The following BTBD18 variants were observed in gnomAD, a reference collection of about 807,000 sequenced individuals.
The protein encoded by BTBD18 is BTB domain containing 18, also known as BTB/POZ domain-containing protein 18.
For missense variants in BTBD18, 787 were observed against 846.3 expected, an observed-to-expected ratio of 0.93 and a Z score of 0.87; for synonymous variants, 311 against 324.4, an observed-to-expected ratio of 0.96 and a Z score of 0.44.
chr11:57,749,517 G>C (rs1949258489), intron 2 of BTBD18, among the ~76,000 whole-genome samples: 1 of 152,126 alleles, frequency 6.6e-6, no homozygotes, highest in Non-Finnish European at 1.5e-5. Flanking sequence ...GAGAGGCCAA[G>C]GCAGGTGGAT....
intron 2 of BTBD18, 121 bp downstream of exon 2, chr11:57,750,944 A>C: frequency 1.4e-6 from 1 of 736,500 alleles, no homozygotes; most frequent in Non-Finnish European, 2.0e-6. Context: ...CCTTTACCAA[A>C]TAGTTTACAG....
Position 57,744,636 on chromosome 11 carries a change from T to C in BTBD18, c.1637A>G (p.Asp546Gly). The change falls in exon 3 of 3, where the codon GAC (aspartate) becomes GGC (glycine). Residue 546 changes from aspartate to glycine, a missense_variant. By Grantham distance (94) the Asp-to-Gly change is moderately conservative. Coordinates refer to ENST00000422652, the MANE Select transcript of BTBD18 (RefSeq NM_001145101.3). Reference protein sequence around the residue: ...WIEGEEWCLPDMELWPRELTE... With the variant: ...WIEGEEWCLPGMELWPRELTE... The stretch of plus-strand genomic sequence containing the variant: ...GAGCTCCCTGGGCCAGAGTTCCATG[T>C]CTGGTAGACACCATTCTTCCCCTTC... The C allele has an allele frequency of 6.4e-7, 1 of 1,551,686 alleles. No homozygotes were observed. Among genetic ancestry groups the C allele is most frequent in the East Asian group, 2.4e-5 (1 of 40,922 alleles).
intron 2 of BTBD18, among the ~76,000 whole-genome samples, chr11:57,747,993 G>C (rs1949230167): frequency 6.6e-6 from 1 of 152,138 alleles, no homozygotes; most frequent in Non-Finnish European, 1.5e-5. Context: ...ATAGAAACAG[G>C]GTTTTACCAT....
In BTBD18 at chr11:57,746,804, C is replaced by CA. The variant is rs1339933563; in HGVS notation, c.125-657_125-656insT. Among the ~76,000 whole-genome samples the CA allele has an allele frequency of 8.6e-3, 372 of 43,148 alleles. 4 individuals are homozygous for CA. The highest frequency in any genetic ancestry group is 0.024 in the South Asian group (25 of 1,026). 28.3% of individuals were successfully genotyped at this position (43,148 alleles called of 152,430 possible). A position where few individuals can be genotyped will look rare whatever the true frequency, so the allele number is the denominator to read the frequency against. ...TGGGGAACACAGTTATACCTTGTCT[C>CA]CAAAAAAAAAAAAAAAAAAAGCCTT... On this transcript the variant is annotated intron_variant, in intron 2 of 2. Coordinates refer to ENST00000422652, the MANE Select transcript of BTBD18 (RefSeq NM_001145101.3).
rs750097145 is a variant in BTBD18, at chr11:57,745,656, A to G, written c.617T>C (p.Leu206Pro). ...GCAGGCTCTGGCCTTCCTCTTGAGC[A>G]GAAGAGTGCCAGACAAATTGTCTGC... ...QNADNLSGTL[L>P]LKRKARACPT... Residue 206 changes from leucine to proline, a missense_variant, in exon 3 of 3, where the codon CTG becomes CCG. Physicochemically the swap from Leu to Pro is moderately conservative, Grantham distance 98. Transcript: ENST00000422652. The G allele has an allele frequency of 2.2e-5, 34 of 1,551,508 alleles. No individual in the cohort carries two copies. Among genetic ancestry groups the G allele is most frequent in the Non-Finnish European group, 2.8e-5 (32 of 1,146,984 alleles).
upstream of BTBD18, among the ~76,000 whole-genome samples, chr11:57,752,175 G>A (rs1949325032): frequency 6.6e-6 from 1 of 152,166 alleles, no homozygotes; most frequent in African/African-American, 2.4e-5. Flanking sequence ...CTATCAGGTA[G>A]CACTGAGGGT....
intron 2 of BTBD18, 62 bp from the exon 3 acceptor site, chr11:57,746,210 A>T: frequency 7.7e-7 from 1 of 1,296,560 alleles, no homozygotes; most frequent in Non-Finnish European, 1.0e-6. Flanking sequence ...GGCTAAGCAT[A>T]GACATTACTA....
In BTBD18 at chr11:57,743,854, A is replaced by G. The variant is rs972419187; in HGVS notation, c.*280T>C. The G allele has an allele frequency of 2.2e-5, 7 of 324,080 alleles. No homozygotes were observed. The highest frequency in any genetic ancestry group is 1.3e-4 in the African/African-American group (6 of 47,380). 20.1% of individuals were successfully genotyped at this position (324,080 alleles called of 1,614,324 possible). On this transcript the variant is annotated 3_prime_UTR_variant, in exon 3 of 3. Transcript: ENST00000422652. ...AGAGATCTGGCCTTGGCTGTTACCT[A>G]TGACCCACCAGAATTGGGGAGCACA...
chr11:57,745,978 C>G lies in BTBD18; in HGVS notation c.295G>C (p.Glu99Gln), dbSNP rs757690611. 1.1e-5 allele frequency: 17 copies of G among 1,551,546 alleles called. No homozygotes were observed. The highest frequency in any genetic ancestry group is 1.5e-5 in the Non-Finnish European group (17 of 1,146,990). ...TCCTGGGCTTCTTCTTGAGATACTT[C>G]CATTTCTGAGGTATACAAGAAGTCC... ...LVDFLYTSEM[E>Q]VSQEEAQDVL... The change falls in exon 3 of 3, where the codon GAA (glutamate) becomes CAA (glutamine). Residue 99 changes from glutamate to glutamine, a missense_variant. Physicochemically the swap from Glu to Gln is conservative, Grantham distance 29. Transcript: ENST00000422652.
rs1322912943 is a variant in BTBD18 at position 57,746,274 on chromosome 11, GA to G, written c.125-127del. Reference sequence around the variant, plus strand: ...TCCTTCCATGGGACTTCAAGTAAAAGAAAAAAATTATTCTTCTGCCTGCCTG... The same window carrying G: ...TCCTTCCATGGGACTTCAAGTAAAAGAAAAAATTATTCTTCTGCCTGCCTG... On this transcript the variant is annotated intron_variant, in intron 2 of 2. Coordinates refer to ENST00000422652, the MANE Select transcript of BTBD18 (RefSeq NM_001145101.3). The G allele has an allele frequency of 4.0e-5, 28 of 705,566 alleles. No homozygotes were observed. The South Asian group carries it at 5.3e-4, about 13-fold the overall frequency. 43.7% of individuals were successfully genotyped at this position (705,566 alleles called of 1,614,324 possible).
chr11:57,751,223 C>T lies in BTBD18; in HGVS notation c.-35G>A. The stretch of plus-strand genomic sequence containing the variant: ...AGTCTTAACAAACCTTCTAGGTTTT[C>T]ACAGATCAGACTCCTGTAGGTGAGA... On this transcript the variant is annotated 5_prime_UTR_variant, in exon 2 of 3. Transcript: ENST00000422652. The T allele has an allele frequency of 6.7e-7, 1 of 1,503,624 alleles. No individual in the cohort carries two copies. The highest frequency in any genetic ancestry group is 1.4e-5 in the African/African-American group (1 of 71,180). The allele number at this position is 1,503,624 out of a possible 1,614,324, so 93.1% of individuals were successfully genotyped here. A position where few individuals can be genotyped will look rare whatever the true frequency, so the allele number is the denominator to read the frequency against.
rs1384374229 is a variant in BTBD18, at chr11:57,744,289, A to G, written c.1984T>C (p.Ser662Pro). ...PKAGKEVSGH[S>P]ELLGSLPASS... ...GCAGGAAGTGAGCCTAGTAGTTCAGAGTGACCAGATACCTCCTTGCCTGCC... is the reference window on the plus strand; with the variant it reads ...GCAGGAAGTGAGCCTAGTAGTTCAGGGTGACCAGATACCTCCTTGCCTGCC... Residue 662 changes from serine to proline, a missense_variant, in exon 3 of 3, where the codon TCT (serine) becomes CCT (proline). Physicochemically the swap from Ser to Pro is moderately conservative, Grantham distance 74. Coordinates refer to ENST00000422652, the MANE Select transcript of BTBD18 (RefSeq NM_001145101.3). 7.7e-6 allele frequency: 12 copies of G among 1,551,678 alleles called. No individual in the cohort carries two copies. The highest frequency in any genetic ancestry group is 2.4e-5 in the South Asian group (2 of 84,062).
rs1949168922 is a variant in BTBD18 at position 57,745,340 on chromosome 11, C to T, written c.933G>A (p.Lys311=). Residue 311 remains lysine, a synonymous_variant, in exon 3 of 3, where the codon AAG becomes AAA. Transcript: ENST00000422652. ...RSVNKETPED[K]PKPGRASPLQ... ...GAGGACTAGCTCTGCCTGGTTTTGG[C>T]TTGTCCTCTGGTGTTTCTTTATTTA... is the stretch of plus-strand genomic sequence containing the variant. The T allele has an allele frequency of 3.2e-6, 5 of 1,551,704 alleles. No individual in the cohort carries two copies. The South Asian group carries it at 4.8e-5, about 15-fold the overall frequency.
In BTBD18 at chr11:57,743,590, ATGG is replaced by A. The variant is rs1406405657; in HGVS notation, c.*541_*543del. ...TTCAACTTACTTTTTGGAAGTAATG[ATGG>A]AAGTACATCTTCTTGGCCCCTGCAG... is the stretch of plus-strand genomic sequence containing the variant. On this transcript the variant is annotated 3_prime_UTR_variant, in exon 3 of 3. Transcript: ENST00000422652. 1 of 152,272 alleles carries A rather than the reference ATGG, an allele frequency of 6.6e-6. No individual in the cohort carries two copies. Among genetic ancestry groups the A allele is most frequent in the Non-Finnish European group, 1.5e-5 (1 of 68,050 alleles). The allele number at this position is 152,272 out of a possible 1,614,324, so 9.4% of individuals were successfully genotyped here. A position where few individuals can be genotyped will look rare whatever the true frequency, so the allele number is the denominator to read the frequency against.
In BTBD18 at chr11:57,743,874, A is replaced by C. The variant is rs1469820884; in HGVS notation, c.*260T>G. The C allele has an allele frequency of 1.9e-5, 7 of 367,402 alleles. No homozygotes were observed. The highest frequency in any genetic ancestry group is 3.0e-5 in the Non-Finnish European group (6 of 201,362). 22.8% of individuals were successfully genotyped at this position (367,402 alleles called of 1,614,324 possible). ...TACCTATGACCCACCAGAATTGGGG[A>C]GCACACAGTTTGTTTCAGTTGTCAC... On this transcript the variant is annotated 3_prime_UTR_variant, in exon 3 of 3. Coordinates refer to ENST00000422652, the MANE Select transcript of BTBD18 (RefSeq NM_001145101.3).
At position 57,743,899 on chromosome 11, in the gene BTBD18, C is replaced by A. The variant is rs1281546811; in HGVS notation, c.*235G>T. ...AGCACACAGTTTGTTTCAGTTGTCA[C>A]TAACCGGAAAATAGATTACAAATAA... On this transcript the variant is annotated 3_prime_UTR_variant, in exon 3 of 3. Transcript: ENST00000422652. 2 of 436,436 alleles carry A rather than the reference C, an allele frequency of 4.6e-6. No individual in the cohort carries two copies. Among genetic ancestry groups the A allele is most frequent in the Non-Finnish European group, 8.2e-6 (2 of 243,528 alleles). 27.0% of individuals were successfully genotyped at this position (436,436 alleles called of 1,614,324 possible). A position where few individuals can be genotyped will look rare whatever the true frequency, so the allele number is the denominator to read the frequency against.
chr11:57,748,310 AATTT>A (rs1381418694), intron 2 of BTBD18, among the ~76,000 whole-genome samples: 1 of 152,108 alleles, frequency 6.6e-6, no homozygotes, highest in Non-Finnish European at 1.5e-5. Flanking sequence ...TACCAATATT[AATTT>A]ATTTAATCTT....
At position 57,751,215 on chromosome 11, in the gene BTBD18, T is replaced by C; in HGVS notation, c.-27A>G. 3 of 1,514,846 alleles carry C rather than the reference T, an allele frequency of 2.0e-6. No individual in the cohort carries two copies. Among genetic ancestry groups the C allele is most frequent in the Non-Finnish European group, 2.7e-6 (3 of 1,131,066 alleles). The allele number at this position is 1,514,846 out of a possible 1,614,324, so 93.8% of individuals were successfully genotyped here. A position where few individuals can be genotyped will look rare whatever the true frequency, so the allele number is the denominator to read the frequency against. On this transcript the variant is annotated 5_prime_UTR_variant, in exon 2 of 3. Coordinates refer to ENST00000422652, the MANE Select transcript of BTBD18 (RefSeq NM_001145101.3). ...TTGGCAAGAGTCTTAACAAACCTTC[T>C]AGGTTTTCACAGATCAGACTCCTGT...
Position 57,745,491 on chromosome 11 carries a change from C to T in BTBD18, c.782G>A (p.Arg261Lys), listed in dbSNP as rs764057238. The T allele has an allele frequency of 1.3e-6, 2 of 1,549,886 alleles. No individual in the cohort carries two copies. The highest frequency in any genetic ancestry group is 1.7e-6 in the Non-Finnish European group (2 of 1,146,988). ...YPSVDKHLLP[R>K]KIRLSRSKPS... ...CTTTGAGCGACTGAGCCTGATCTTT[C>T]TGGGCAACAGGTGTTTGTCCACAGA... Residue 261 changes from arginine (R) to lysine (K), a missense_variant, in exon 3 of 3, where the codon AGA becomes AAA. Arg to Lys is a conservative substitution (Grantham distance 26). Coordinates refer to ENST00000422652, the MANE Select transcript of BTBD18 (RefSeq NM_001145101.3).
Sources: allele counts gnomAD v4.1 joint callset (sites outside exome capture counted in the v4.1 genomes callset), GRCh38; gene constraint gnomAD v4.1.1; transcripts MANE v1.5; gene names NCBI Gene and HGNC (gene_info 2026-07-23, HGNC 2026-07-21).